NEK6: variants seen among roughly 807,000 people sequenced by gnomAD.
The protein encoded by NEK6 is NIMA related kinase 6.
A neutral mutation model predicts 43.5 loss-of-function variants in NEK6; 27 were observed. The ratio of observed to expected loss-of-function variants is 0.62; its 90% CI spans 0.46 to 0.86. NEK6 has a LOEUF of 0.86. NEK6 is among the 40% of genes least tolerant of loss of function. NEK6 has a pLI of 0.00. For missense variants in NEK6, 318 were observed against 414.4 expected (o/e 0.77, Z 2.02); for synonymous variants, 167 against 164.1 (o/e 1.02, Z -0.14).
At chr9:124,306,895 G>A (rs1007532100) in intron 2 of NEK6, among the ~76,000 whole-genome samples, 2 of 152,154 alleles carry the variant, frequency 1.3e-5, no homozygotes, top group Admixed American at 6.5e-5. Flanking sequence ...GGTGAAATTC[G>A]TTTATAAGAA....
In NEK6 at chr9:124,343,020, C is replaced by G. The variant is rs542023747; in HGVS notation, c.717+3355C>G. Among the ~76,000 whole-genome samples, 24 of 152,316 alleles carry G rather than the reference C, an allele frequency of 1.6e-4. No homozygotes were observed. Among genetic ancestry groups the G allele is most frequent in the African/African-American group, 5.5e-4 (23 of 41,572 alleles). The stretch of plus-strand genomic sequence containing the variant: ...TGTCTCGGCTCTGCAGAGGCAGGCA[C>G]AGCCCATCCTGTGCCAGGCCTCACT... On this transcript the variant is annotated intron_variant, in intron 8 of 9. Transcript: ENST00000320246. The surrounding 1 kb of genome is among the most constrained non-coding windows in gnomAD (Gnocchi z 5.1).
chr9:124,311,890 A>G (rs1254031188), intron 2 of NEK6, among the ~76,000 whole-genome samples: 2 of 152,212 alleles, frequency 1.3e-5, no homozygotes, highest in African/African-American at 2.4e-5. Flanking sequence ...GGGTTTCGCC[A>G]TGTTGGCCAG....
chr9:124,340,194 C>T (rs1399199402), intron 8 of NEK6, among the ~76,000 whole-genome samples: 4 of 150,488 alleles, frequency 2.7e-5, no homozygotes, highest in Non-Finnish European at 5.9e-5. Flanking sequence ...ACTTCCAGAC[C>T]TGGTGGCCTG....
intron 4 of NEK6, among the ~76,000 whole-genome samples, chr9:124,320,783 C>T (rs977821631): frequency 6.6e-6 from 1 of 152,180 alleles, no homozygotes; most frequent in Non-Finnish European, 1.5e-5. Flanking sequence ...CTCATGCCTC[C>T]AGGGATTTTT....
chr9:124,312,087 T>A (rs1196745564), intron 2 of NEK6, among the ~76,000 whole-genome samples: 1 of 152,234 alleles, frequency 6.6e-6, no homozygotes, highest in Admixed American at 6.5e-5. Flanking sequence ...GCATTTTGCA[T>A]GGTGGCCACG....
chr9:124,332,210 C>T (rs773547385), intron 7 of NEK6, among the ~76,000 whole-genome samples: 5 of 152,272 alleles, frequency 3.3e-5, no homozygotes, highest in Non-Finnish European at 7.3e-5. Flanking sequence ...CTGTGCTGGG[C>T]CTGGGCCGTT....
At chr9:124,331,567 C>T (rs534641839) in intron 7 of NEK6, among the ~76,000 whole-genome samples, 1 of 152,302 alleles carries the variant, frequency 6.6e-6, no homozygotes, top group African/African-American at 2.4e-5. Context: ...GGGCTCTGAG[C>T]GCTCCATCCC....
chr9:124,280,754 A>G (rs1442567839), intron 1 of NEK6, among the ~76,000 whole-genome samples: 3 of 152,142 alleles, frequency 2.0e-5, no homozygotes, highest in Admixed American at 1.3e-4. Flanking sequence ...ACATTTGCAC[A>G]TTGTGTATAA....
At chr9:124,329,610 C>T (rs1029109198) in intron 7 of NEK6, among the ~76,000 whole-genome samples, 1 of 152,228 alleles carries the variant, frequency 6.6e-6, no homozygotes, top group African/African-American at 2.4e-5. Flanking sequence ...GGGCTCTGTG[C>T]CCGGCATCCA....
intron 7 of NEK6, among the ~76,000 whole-genome samples, chr9:124,334,785 C>T (rs969518680): frequency 1.3e-5 from 2 of 152,322 alleles, no homozygotes; most frequent in South Asian, 4.1e-4. Context: ...TGGGAGGACC[C>T]GGGCTGAGGG....
chr9:124,284,705 A>ATG (rs1272323437), intron 1 of NEK6, among the ~76,000 whole-genome samples: 1 of 152,100 alleles, frequency 6.6e-6, no homozygotes, highest in Non-Finnish European at 1.5e-5. Context: ...GGAGGGAAGA[A>ATG]TGTGTGTGTC....
intron 1 of NEK6, among the ~76,000 whole-genome samples, chr9:124,285,828 T>C (rs1250499203): frequency 6.6e-6 from 1 of 152,200 alleles, no homozygotes; most frequent in Non-Finnish European, 1.5e-5. Flanking sequence ...GGCAGCATAC[T>C]GTAAGCCTCA....
At position 124,313,974 on chromosome 9, in the gene NEK6, G is replaced by A. The variant is rs1833684366; in HGVS notation, c.283G>A (p.Gly95Ser). ...GAGGCAGGACTGTGTCAAGGAGATC[G>A]GCCTCTTGAAGGTGAGCACCCTGGG... is the stretch of plus-strand genomic sequence containing the variant. Reference protein sequence around the residue: ...KARQDCVKEIGLLKQLNHPNI... With the variant: ...KARQDCVKEISLLKQLNHPNI... The change falls in exon 4 of 10, where the codon GGC becomes AGC. Residue 95 changes from glycine to serine, a missense_variant. Coordinates refer to ENST00000320246, the MANE Select transcript of NEK6 (RefSeq NM_014397.6). The A allele has an allele frequency of 6.8e-6, 11 of 1,614,152 alleles. No individual in the cohort carries two copies. The highest frequency in any genetic ancestry group is 9.3e-6 in the Non-Finnish European group (11 of 1,179,986).
chr9:124,350,979 C>CA lies in NEK6; in HGVS notation c.*33dup. ...ATGCACCGTGCCTTATCAAAGCCAG[C>CA]ACCACTTTGCCTTACTTGAGTCGTC... is the stretch of plus-strand genomic sequence containing the variant. On this transcript the variant is annotated 3_prime_UTR_variant, in exon 10 of 10. Transcript: ENST00000320246. 6.7e-7 allele frequency: 1 copy of CA among 1,502,872 alleles called. No homozygotes were observed. Among genetic ancestry groups the CA allele is most frequent in the Non-Finnish European group, 9.2e-7 (1 of 1,088,788 alleles). The allele number at this position is 1,502,872 out of a possible 1,614,324, so 93.1% of individuals were successfully genotyped here. A position where few individuals can be genotyped will look rare whatever the true frequency, so the allele number is the denominator to read the frequency against.
At position 124,307,323 on chromosome 9, in the gene NEK6, C is replaced by T. The variant is rs188163422; in HGVS notation, c.91-5186C>T. 5.9e-5 allele frequency among the ~76,000 whole-genome samples: 9 copies of T among 152,252 alleles called. No homozygotes were observed. The East Asian group carries it at 1.5e-3, about 26-fold the overall frequency. ...ACATCCTCCCTGCCCCCCAGTCTCC[C>T]AGTCATGCCCTGCCTCTTCCTGAGA... On this transcript the variant is annotated intron_variant, in intron 2 of 9. Coordinates refer to ENST00000320246, the MANE Select transcript of NEK6 (RefSeq NM_014397.6).
intron 3 of NEK6, 99 bp from the exon 4 acceptor site, chr9:124,313,824 G>C: frequency 8.4e-7 from 1 of 1,189,646 alleles, no homozygotes; most frequent in Non-Finnish European, 1.2e-6. Context: ...TTGGTGAGGA[G>C]GTGGGAGAGC....
intron 1 of NEK6, among the ~76,000 whole-genome samples, chr9:124,269,122 A>G (rs921727641): frequency 2.6e-5 from 4 of 152,194 alleles, no homozygotes; most frequent in African/African-American, 9.7e-5. Context: ...ATACCATGTC[A>G]TTGAATCATC....
chr9:124,309,983 G>A (rs761874018), intron 2 of NEK6, among the ~76,000 whole-genome samples: 15 of 152,316 alleles, frequency 9.8e-5, no homozygotes, highest in East Asian at 1.9e-4. Flanking sequence ...CTGGGGCGGG[G>A]CCTGGGGCAG....
chr9:124,264,814 CAAAAAAAA>C (rs372219790), intron 1 of NEK6, among the ~76,000 whole-genome samples: 205 of 88,674 alleles, frequency 2.3e-3, no homozygotes, highest in African/African-American at 7.6e-3. Context: ...GACTCTGTAT[CAAAAAAAA>C]AAAAAAAAAA....
Sources: gnomAD v4.1 joint callset for allele counts (sites outside exome capture counted in the v4.1 genomes callset) on GRCh38, gnomAD v4.1.1 for gene constraint, Gnocchi (gnomAD v3.1) non-coding constraint, MANE v1.5 for transcripts, NCBI Gene and HGNC (gene_info 2026-07-23, HGNC 2026-07-21) for gene names.